The following RTN1 variants were observed in gnomAD, a reference collection of about 807,000 sequenced individuals.
RTN1 encodes reticulon-1.
In RTN1, 25 loss-of-function variants were observed where a neutral mutation model predicts 65.5. That is an observed-to-expected ratio of 0.38 (90% CI 0.28 to 0.53). The LOEUF (loss-of-function observed/expected upper bound fraction) is 0.53. Among genes scored for constraint, RTN1 ranks in the 20% least tolerant of loss-of-function variants. The pLI is 0.79. For missense variants in RTN1, 983 were observed against 1,025.4 expected, an observed-to-expected ratio of 0.96 and a Z score of 0.57; for synonymous variants, 471 against 447.6, an observed-to-expected ratio of 1.05 and a Z score of -0.66.
intron 3 of RTN1, among the ~76,000 whole-genome samples, chr14:59,650,394 T>C (rs1337139152): frequency 1.3e-5 from 2 of 152,178 alleles, no homozygotes; most frequent in African/African-American, 4.8e-5. Context: ...TCAGCACATG[T>C]ATCCCAGAAC....
intron 3 of RTN1, among the ~76,000 whole-genome samples, chr14:59,699,865 C>T (rs1179673008): frequency 6.6e-6 from 1 of 152,112 alleles, no homozygotes; most frequent in Non-Finnish European, 1.5e-5. Flanking sequence ...GATTCTTCTT[C>T]CATCTTACCA....
At chr14:59,606,313 G>T (rs1243507243) in intron 4 of RTN1, among the ~76,000 whole-genome samples, 2 of 151,774 alleles carry the variant, frequency 1.3e-5, no homozygotes, top group East Asian at 1.9e-4. Context: ...GCAGTATTTG[G>T]CTTGAGTTTT....
intron 3 of RTN1, among the ~76,000 whole-genome samples, chr14:59,680,977 C>T (rs969571487): frequency 6.6e-6 from 1 of 152,000 alleles, no homozygotes; most frequent in Non-Finnish European, 1.5e-5. Flanking sequence ...TATGTACAGA[C>T]ATAATAATAG....
intron 3 of RTN1, among the ~76,000 whole-genome samples, chr14:59,703,134 CCTCTAA>C (rs1219180874): frequency 6.6e-6 from 1 of 152,086 alleles, no homozygotes; most frequent in Non-Finnish European, 1.5e-5. Flanking sequence ...ATTCTCAATC[CCTCTAA>C]CTCTTTCTAC....
chr14:59,663,184 A>G (rs1480632516), intron 3 of RTN1, among the ~76,000 whole-genome samples: 2 of 152,206 alleles, frequency 1.3e-5, no homozygotes, highest in Non-Finnish European at 2.9e-5. Flanking sequence ...CCTATTTAAT[A>G]AATGGTGCTG....
chr14:59,809,843 C>T (rs1034964720), intron 1 of RTN1, among the ~76,000 whole-genome samples: 14 of 152,018 alleles, frequency 9.2e-5, no homozygotes, highest in African/African-American at 1.4e-4. Context: ...GTGTTTCAGG[C>T]CGATTTTTGT....
rs545436948 is a variant in RTN1 at position 59,666,243 on chromosome 14, C to G, written c.1766-58751G>C. 2.6e-5 allele frequency among the ~76,000 whole-genome samples: 4 copies of G among 152,298 alleles called. No individual in the cohort carries two copies. The South Asian group carries it at 8.3e-4, about 32-fold the overall frequency. Reference sequence around the variant, plus strand: ...GAACAGAAATCACAACAAACTGTCTCTCAGACCAGAGTGCAATCAATTACA... The same window carrying G: ...GAACAGAAATCACAACAAACTGTCTGTCAGACCAGAGTGCAATCAATTACA... On this transcript the variant is annotated intron_variant, in intron 3 of 8. Coordinates refer to ENST00000267484, the MANE Select transcript of RTN1 (RefSeq NM_021136.3).
intron 3 of RTN1, among the ~76,000 whole-genome samples, chr14:59,725,263 T>G (rs1280586439): frequency 6.6e-6 from 1 of 152,192 alleles, no homozygotes; most frequent in Non-Finnish European, 1.5e-5. Context: ...GCCCTCAGAT[T>G]TATCTACTTT....
At chr14:59,767,572 G>A (rs560408883) in intron 1 of RTN1, among the ~76,000 whole-genome samples, 158 of 152,270 alleles carry the variant, frequency 1.0e-3, no homozygotes, top group Non-Finnish European at 9.8e-4. Context: ...CAAATAAAAC[G>A]ACTGAGAATT....
intron 3 of RTN1, among the ~76,000 whole-genome samples, chr14:59,665,991 G>T (rs1883364008): frequency 6.6e-6 from 1 of 152,082 alleles, no homozygotes; most frequent in Non-Finnish European, 1.5e-5. Context: ...CAATAATAAT[G>T]GGAGACTTTA....
intron 1 of RTN1, among the ~76,000 whole-genome samples, chr14:59,856,651 C>A (rs1407237880): frequency 6.6e-6 from 1 of 152,136 alleles, no homozygotes; most frequent in Non-Finnish European, 1.5e-5. Flanking sequence ...TTACCAAAAC[C>A]GACTTCTCTC....
chr14:59,855,817 C>T lies in RTN1; in HGVS notation c.241+14573G>A, dbSNP rs569324162. Among the ~76,000 whole-genome samples, 3 of 152,306 alleles carry T rather than the reference C, an allele frequency of 2.0e-5. No individual in the cohort carries two copies. The East Asian group carries it at 5.8e-4, about 29-fold the overall frequency. On this transcript the variant is annotated intron_variant, in intron 1 of 8. Transcript: ENST00000267484. ...ATTAAGTGCCAAAGCCTTACTAGTGCTGGGTGTCTCTTACATCCTCAGAAA... is the reference window on the plus strand; with the variant it reads ...ATTAAGTGCCAAAGCCTTACTAGTGTTGGGTGTCTCTTACATCCTCAGAAA...
intron 3 of RTN1, among the ~76,000 whole-genome samples, chr14:59,643,845 CA>C (rs1882833838): frequency 2.0e-5 from 3 of 151,144 alleles, no homozygotes; most frequent in Admixed American, 6.6e-5. Flanking sequence ...CAATTTTCAA[CA>C]AAAAATTACT....
At chr14:59,754,121 C>A (rs908770519) in intron 1 of RTN1, among the ~76,000 whole-genome samples, 3 of 152,124 alleles carry the variant, frequency 2.0e-5, no homozygotes, top group African/African-American at 7.2e-5. Context: ...CTGAAGGATT[C>A]ACAGGCCACT....
Position 59,870,470 on chromosome 14 carries a change from C to T in RTN1, c.161G>A (p.Arg54Lys), listed in dbSNP as rs1887879274. ...AGEPSPGLGA[R>K]AREAASREAG... is the part of the protein sequence containing the mutation. The stretch of plus-strand genomic sequence containing the variant: ...TTCCCGCGACGCCGCTTCCCGGGCC[C>T]TGGCGCCCAACCCCGGGCTGGGCTC... The change falls in exon 1 of 9, where the codon AGG becomes AAG. Residue 54 changes from arginine to lysine, a missense_variant. Physicochemically the swap from Arg to Lys is conservative, Grantham distance 26. Around this residue, in one of 2 missense-constraint regions of RTN1, gnomAD observed 818 missense variants for 801.8 expected, o/e 1.02. Coordinates refer to ENST00000267484, the MANE Select transcript of RTN1 (RefSeq NM_021136.3). The surrounding 1 kb of genome is among the most constrained non-coding windows in gnomAD (Gnocchi z 5.1). 1 of 1,481,514 alleles carries T rather than the reference C, an allele frequency of 6.7e-7. No individual in the cohort carries two copies. The highest frequency in any genetic ancestry group is 8.9e-7 in the Non-Finnish European group (1 of 1,124,446). The allele number at this position is 1,481,514 out of a possible 1,614,324, so 91.8% of individuals were successfully genotyped here. A position where few individuals can be genotyped will look rare whatever the true frequency, so the allele number is the denominator to read the frequency against.
At chr14:59,610,301 A>G (rs997152911) in intron 3 of RTN1, 5 of 585,382 alleles carry the variant, frequency 8.5e-6, no homozygotes, top group African/African-American at 7.5e-5. Context: ...AGATCTTTCA[A>G]TTACTTGCTA....
chr14:59,682,194 T>C (rs1307361592), intron 3 of RTN1, among the ~76,000 whole-genome samples: 1 of 152,196 alleles, frequency 6.6e-6, no homozygotes, highest in Admixed American at 6.5e-5. Flanking sequence ...CTTTGAGGAC[T>C]TTACACACAT....
At chr14:59,754,195 C>A (rs1885587301) in intron 1 of RTN1, among the ~76,000 whole-genome samples, 1 of 152,040 alleles carries the variant, frequency 6.6e-6, no homozygotes, top group South Asian at 2.1e-4. Context: ...CCATTAAATC[C>A]CAATATGTGT....
chr14:59,749,888 C>CAT (rs1250915160), intron 1 of RTN1, among the ~76,000 whole-genome samples: 3 of 107,082 alleles, frequency 2.8e-5, no homozygotes, highest in South Asian at 4.9e-4. Flanking sequence ...TATATATACA[C>CAT]ATATATATAT....
Sources: allele counts gnomAD v4.1 joint callset (sites outside exome capture counted in the v4.1 genomes callset), GRCh38; gene constraint gnomAD v4.1.1; regional missense constraint gnomAD v4.1.1; non-coding constraint Gnocchi (gnomAD v3.1); transcripts MANE v1.5; gene names NCBI Gene and HGNC (gene_info 2026-07-23, HGNC 2026-07-21).